Variants in HDAC9 observed in about 807,000 individuals in gnomAD.
HDAC9 encodes MEF-2 interacting transcription repressor (MITR) protein.
HDAC9 carries 41 observed loss-of-function variants against 139.4 expected under a neutral mutation model. The ratio of observed to expected loss-of-function variants is 0.29; its 90% CI spans 0.23 to 0.38. The LOEUF is 0.38. HDAC9 is among the 10% of genes least tolerant of loss of function. HDAC9 has a pLI of 1.00. For synonymous variants in HDAC9, 517 were observed against 476.2 expected (o/e 1.09, Z -1.12); for missense variants, 1,147 against 1,297.0 (o/e 0.88, Z 1.78).
chr7:18,529,893 T>C (rs1176677284), intron 2 of HDAC9, among the ~76,000 whole-genome samples: 1 of 152,202 alleles, frequency 6.6e-6, no homozygotes, highest in Non-Finnish European at 1.5e-5. Flanking sequence ...TTTGCTCTGC[T>C]TGTCCCATTA....
At chr7:18,758,952 T>TTAATAA (rs140041988) in intron 14 of HDAC9, among the ~76,000 whole-genome samples, 4 of 151,390 alleles carry the variant, frequency 2.6e-5, no homozygotes, top group Non-Finnish European at 4.4e-5. Flanking sequence ...AAAAATACTT[T>TTAATAA]TAATAATAAT....
intron 13 of HDAC9, among the ~76,000 whole-genome samples, chr7:18,731,968 C>G (rs1432063451): frequency 2.0e-5 from 3 of 151,556 alleles, no homozygotes; most frequent in South Asian, 4.2e-4. Context: ...AAGTTTTTCC[C>G]CCAAACAAAA....
At chr7:18,554,766 G>T (rs1818281533) in intron 2 of HDAC9, among the ~76,000 whole-genome samples, 1 of 152,086 alleles carries the variant, frequency 6.6e-6, no homozygotes, top group Non-Finnish European at 1.5e-5. Flanking sequence ...TACCTTCCAA[G>T]AAGCCCTCAT....
rs549183125 is a variant in HDAC9 at position 18,179,397 on chromosome 7, G to A, written c.25+17048G>A. On this transcript the variant is annotated intron_variant, in intron 2 of 12. Coordinates refer to the HDAC9 transcript ENST00000417496. The stretch of plus-strand genomic sequence containing the variant: ...AAGGTAAAGCTGAGGTCCTAAGGGA[G>A]GAGGGACATGTTAAGGTTTGACTGT... 6.6e-5 allele frequency among the ~76,000 whole-genome samples: 10 copies of A among 152,316 alleles called. No individual in the cohort carries two copies. In the South Asian group the frequency reaches 2.1e-3, roughly 32 times the overall value.
chr7:18,325,962 C>T (rs1166447483), intron 1 of HDAC9, among the ~76,000 whole-genome samples: 1 of 151,988 alleles, frequency 6.6e-6, no homozygotes, highest in Non-Finnish European at 1.5e-5. Flanking sequence ...GAAGATATTG[C>T]CTGACAATCC....
Position 18,356,366 on chromosome 7 carries a change from T to TTTG in HDAC9, c.-42+65853_-42+65854insGTT, listed in dbSNP as rs1554388646. Among the ~76,000 whole-genome samples, 5 of 141,800 alleles carry TTTG rather than the reference T, an allele frequency of 3.5e-5. 1 individual carries two copies. The South Asian group carries it at 9.2e-4, about 26-fold the overall frequency. The allele number at this position is 141,800 out of a possible 152,430, so 93.0% of individuals were successfully genotyped here. ...TAGAGGGCAGCACATAGGTTTTTTT[T>TTTG]TTTTTTTTTTTTTTTTTTTAAAGAC... is the stretch of plus-strand genomic sequence containing the variant. On this transcript the variant is annotated intron_variant, in intron 1 of 3. Transcript: ENST00000413509.
chr7:18,666,383 G>A lies in HDAC9; in HGVS notation c.1638G>A (p.Gly546=). ...ACVDDTLGQV[G]AVKVKEEPVD... ...TGGATGACACACTGGGACAAGTTGG[G>A]GCTGTGAAGGTCAAGGAGGAACCAG... The change falls in exon 12 of 26, where the codon GGG becomes GGA. Residue 546 remains glycine, a synonymous_variant. Transcript: ENST00000686413. 1.2e-6 allele frequency: 2 copies of A among 1,613,212 alleles called. No individual in the cohort carries two copies. Among genetic ancestry groups the A allele is most frequent in the Non-Finnish European group, 1.7e-6 (2 of 1,179,572 alleles).
At chr7:18,918,168 A>G (rs1803376425) in intron 22 of HDAC9, among the ~76,000 whole-genome samples, 1 of 152,048 alleles carries the variant, frequency 6.6e-6, no homozygotes, top group African/African-American at 2.4e-5. Context: ...CAGGAAGAAA[A>G]GGAGATTTCA....
intron 12 of HDAC9, among the ~76,000 whole-genome samples, chr7:18,683,644 A>C (rs1782046862): frequency 6.6e-6 from 1 of 152,106 alleles, no homozygotes; most frequent in Non-Finnish European, 1.5e-5. Context: ...ATAATGGACA[A>C]AATTTATTGA....
At chr7:18,851,255 C>G (rs1473096554) in intron 21 of HDAC9, 1 of 152,212 alleles carries the variant, frequency 6.6e-6, no homozygotes, top group Non-Finnish European at 1.5e-5. Context: ...GAATTGTAAT[C>G]CCCATGTGTC....
intron 12 of HDAC9, among the ~76,000 whole-genome samples, chr7:18,682,435 A>T (rs1781951326): frequency 6.6e-6 from 1 of 152,002 alleles, no homozygotes; most frequent in South Asian, 2.1e-4. Flanking sequence ...GAGGGTACAC[A>T]CATGCCTACA....
intron 6 of HDAC9, among the ~76,000 whole-genome samples, chr7:18,606,482 C>T (rs1835534153): frequency 6.6e-6 from 1 of 152,066 alleles, no homozygotes; most frequent in African/African-American, 2.4e-5. Flanking sequence ...AGTTCATATG[C>T]TAAAAACTGA....
At chr7:18,258,063 A>G (rs1743682786) in intron 2 of HDAC9, among the ~76,000 whole-genome samples, 1 of 152,218 alleles carries the variant, frequency 6.6e-6, no homozygotes. Flanking sequence ...CTTAAAAGAC[A>G]GTTAGATAAG....
intron 1 of HDAC9, among the ~76,000 whole-genome samples, chr7:18,357,722 T>C (rs1255556391): frequency 6.6e-6 from 1 of 152,118 alleles, no homozygotes; most frequent in African/African-American, 2.4e-5. Flanking sequence ...GGCAAAGGGT[T>C]ATCCAGGCAG....
chr7:18,190,202 C>T (rs116520286), intron 2 of HDAC9, among the ~76,000 whole-genome samples: 1,959 of 152,280 alleles, frequency 0.013, 41 homozygotes, highest in African/African-American at 0.044. Flanking sequence ...ATCTTACCCT[C>T]GCAAAGTGCT....
intron 17 of HDAC9, among the ~76,000 whole-genome samples, chr7:18,824,463 A>C (rs1456018708): frequency 6.6e-6 from 1 of 152,232 alleles, no homozygotes; most frequent in Non-Finnish European, 1.5e-5. Flanking sequence ...TTGATGGATA[A>C]GCAAACATAA....
intron 1 of HDAC9, chr7:18,087,809 G>C (rs2128054491): frequency 6.6e-6 from 1 of 152,414 alleles, no homozygotes; most frequent in African/African-American, 2.4e-5. Flanking sequence ...AGAGGGAACG[G>C]AGGACGGGGG....
intron 21 of HDAC9, among the ~76,000 whole-genome samples, chr7:18,863,515 T>C (rs1798263911): frequency 1.3e-5 from 2 of 152,242 alleles, no homozygotes; most frequent in South Asian, 4.1e-4. Flanking sequence ...AGGCAATTCT[T>C]CGTCTTCTAA....
intron 1 of HDAC9, among the ~76,000 whole-genome samples, chr7:18,323,432 A>G (rs1446424936): frequency 1.3e-5 from 2 of 152,150 alleles, no homozygotes; most frequent in Non-Finnish European, 2.9e-5. Context: ...TCAAAGGGAT[A>G]CACACCTCAC....
Sources: allele counts gnomAD v4.1 joint callset (sites outside exome capture counted in the v4.1 genomes callset), GRCh38; gene constraint gnomAD v4.1.1; transcripts MANE v1.5; gene names NCBI Gene and HGNC (gene_info 2026-07-23, HGNC 2026-07-21).